The following ABHD18 variants were observed in gnomAD, a reference collection of about 807,000 sequenced individuals.
ABHD18 encodes abhydrolase domain containing 18, also known as cardiolipin-specific deacylase, mitochondrial.
ABHD18 carries 55 observed loss-of-function variants against 65.9 expected under a neutral mutation model. The observed-to-expected ratio is 0.84, with a 90% CI of 0.67 to 1.05. The LOEUF (loss-of-function observed/expected upper bound fraction) is 1.05. Among genes scored for constraint, ABHD18 ranks in the 50% least tolerant of loss-of-function variants. The probability of loss-of-function intolerance (pLI) is 0.00; values close to 1 mark genes in which losing one functional copy is unlikely to be tolerated. For synonymous variants in ABHD18, 181 were observed against 180.2 expected, an observed-to-expected ratio of 1.00 and a Z score of -0.04; for missense variants, 533 against 558.5, an observed-to-expected ratio of 0.95 and a Z score of 0.46.
intron 4 of ABHD18, among the ~76,000 whole-genome samples, chr4:128,000,873 G>C (rs1752532327): frequency 6.6e-6 from 1 of 151,938 alleles, no homozygotes; most frequent in African/African-American, 2.4e-5. Context: ...GTATTCCTAG[G>C]TTTCTGTGTG....
chr4:128,017,506 G>A lies in ABHD18; in HGVS notation c.609+5G>A, dbSNP rs756347691. The A allele has an allele frequency of 6.3e-7, 1 of 1,592,000 alleles. No individual in the cohort carries two copies. Among genetic ancestry groups the A allele is most frequent in the Admixed American group, 1.9e-5 (1 of 53,678 alleles). On this transcript the variant is annotated splice_donor_5th_base_variant and intron_variant, in intron 8 of 12. Transcript: ENST00000645843. ...GGAATATCCATGGGAGGACACGTAA[G>A]CCTTTTTATTTCTGCTTACATTTAA... is the stretch of plus-strand genomic sequence containing the variant.
intron 10 of ABHD18, among the ~76,000 whole-genome samples, chr4:128,023,803 G>A (rs1375739462): frequency 1.3e-5 from 2 of 152,150 alleles, no homozygotes; most frequent in African/African-American, 4.8e-5. Flanking sequence ...AGAATGGCGT[G>A]AACCCAGAAG....
chr4:128,001,000 T>A (rs1358758685), intron 4 of ABHD18, among the ~76,000 whole-genome samples: 1 of 152,180 alleles, frequency 6.6e-6, no homozygotes, highest in African/African-American at 2.4e-5. Flanking sequence ...ATCTTGAAAC[T>A]TTGCTGAAGT....
chr4:127,974,188 GTTTTTTTTTTTT>G (rs34967150), intron 1 of ABHD18, among the ~76,000 whole-genome samples: 12 of 101,488 alleles, frequency 1.2e-4, no homozygotes, highest in African/African-American at 4.0e-4. Context: ...CTTAAGTTCT[GTTTTTTTTTTTT>G]TTTTTTTTTT....
At position 128,028,639 on chromosome 4, in the gene ABHD18, C is replaced by T. The variant is rs772970028; in HGVS notation, c.966C>T (p.Val322=). ...ADCHNSSKTS[V]SATSEGLLLQ... is the part of the protein sequence containing the mutation. ...GCCATAATTCTAGCAAAACATCTGT[C>T]AGTGCGACATCAGAAGGACTCTTAT... is the stretch of plus-strand genomic sequence containing the variant. The change falls in exon 11 of 13, where the codon GTC becomes GTT. Residue 322 remains valine (V), a synonymous_variant. Transcript: ENST00000645843. 1 of 1,613,756 alleles carries T rather than the reference C, an allele frequency of 6.2e-7. No individual in the cohort carries two copies.
At chr4:128,015,619 C>A (rs1387352259) in intron 7 of ABHD18, among the ~76,000 whole-genome samples, 1 of 151,970 alleles carries the variant, frequency 6.6e-6, no homozygotes, top group Non-Finnish European at 1.5e-5. Context: ...TAAAAAGAAA[C>A]CCTCCCTTCT....
At chr4:128,012,927 A>G (rs1031460154) in intron 7 of ABHD18, among the ~76,000 whole-genome samples, 1 of 151,764 alleles carries the variant, frequency 6.6e-6, no homozygotes. Context: ...TTAGCCAGGC[A>G]TGGTGGTATG....
intron 3 of ABHD18, among the ~76,000 whole-genome samples, chr4:127,987,358 T>G (rs1292652278): frequency 6.6e-6 from 1 of 151,690 alleles, no homozygotes; most frequent in African/African-American, 2.4e-5. Flanking sequence ...TCTCAAAAAA[T>G]AGTAATAATA....
At chr4:127,986,543 G>T (rs1005754280) in intron 3 of ABHD18, among the ~76,000 whole-genome samples, 1 of 152,132 alleles carries the variant, frequency 6.6e-6, no homozygotes, top group African/African-American at 2.4e-5. Context: ...ATGAGATTTT[G>T]TGTGAACATG....
intron 1 of ABHD18, among the ~76,000 whole-genome samples, chr4:127,968,795 T>G: frequency 6.6e-6 from 1 of 152,176 alleles, no homozygotes; most frequent in East Asian, 1.9e-4. Context: ...GTGGGGACTT[T>G]TAAGTATCTG....
chr4:128,001,866 G>C (rs1291028656), intron 4 of ABHD18: 2 of 1,215,470 alleles, frequency 1.6e-6, no homozygotes, highest in East Asian at 3.1e-5. Flanking sequence ...TTAATTCCTT[G>C]TGCCTGCCAC....
intron 10 of ABHD18, among the ~76,000 whole-genome samples, chr4:128,024,071 C>G (rs1192586292): frequency 6.6e-6 from 1 of 152,132 alleles, no homozygotes; most frequent in Non-Finnish European, 1.5e-5. Flanking sequence ...ATATCTGAGA[C>G]TGGGAAATTT....
At position 128,039,640 on chromosome 4, in the gene ABHD18, T is replaced by C. The variant is rs1759184370; in HGVS notation, c.*3827T>C. The C allele has an allele frequency of 6.6e-6, 1 of 152,226 alleles. No individual in the cohort carries two copies. Among genetic ancestry groups the C allele is most frequent in the African/African-American group, 2.4e-5 (1 of 41,466 alleles). The allele number at this position is 152,226 out of a possible 1,614,324, so 9.4% of individuals were successfully genotyped here. A position where few individuals can be genotyped will look rare whatever the true frequency, so the allele number is the denominator to read the frequency against. On this transcript the variant is annotated 3_prime_UTR_variant, in exon 13 of 13. Transcript: ENST00000645843. ...AAAGATAATTGAATTGTTAACACTG[T>C]AATTGAAATTTTAAAAATCATTTCC...
chr4:127,973,104 C>A (rs931786155), intron 1 of ABHD18, among the ~76,000 whole-genome samples: 2 of 152,116 alleles, frequency 1.3e-5, no homozygotes, highest in African/African-American at 4.8e-5. Context: ...TCCTCTGCCT[C>A]CTAGGCTCAA....
chr4:127,967,490 A>G (rs1745848406), intron 1 of ABHD18, among the ~76,000 whole-genome samples: 1 of 152,150 alleles, frequency 6.6e-6, no homozygotes, highest in Admixed American at 6.6e-5. Context: ...ATCTAAGTGA[A>G]ATAATTGGCT....
At chr4:128,014,989 A>G (rs2149149747) in intron 7 of ABHD18, among the ~76,000 whole-genome samples, 1 of 152,154 alleles carries the variant, frequency 6.6e-6, no homozygotes, top group Middle Eastern at 3.4e-3. Flanking sequence ...AGGCAGGAGA[A>G]TCGCTTGAAC....
Position 128,029,363 on chromosome 4 carries a change from CACAAACACACAT to C in ABHD18, c.1180+514_1180+525del, listed in dbSNP as rs1210248300. Among the ~76,000 whole-genome samples, 445 of 151,920 alleles carry C rather than the reference CACAAACACACAT, an allele frequency of 2.9e-3. 4 individuals carry two copies. The highest frequency in any genetic ancestry group is 0.01 in the African/African-American group (429 of 41,418). ...TGACAGCAAGACTCTCACACACACA[CACAAACACACAT>C]ACACACACTCTCACACACTCTGGAG... On this transcript the variant is annotated intron_variant, in intron 11 of 12. Transcript: ENST00000645843.
intron 4 of ABHD18, among the ~76,000 whole-genome samples, chr4:128,003,961 A>AC (rs1270939155): frequency 3.3e-5 from 5 of 150,664 alleles, no homozygotes; most frequent in South Asian, 2.1e-4. Flanking sequence ...AAAAAAAAAA[A>AC]ACAAAAAAAA....
intron 3 of ABHD18, among the ~76,000 whole-genome samples, chr4:127,985,774 C>T (rs952518547): frequency 4.6e-5 from 7 of 151,954 alleles, no homozygotes; most frequent in South Asian, 2.1e-4. Flanking sequence ...GAGGCCAAGG[C>T]GGGCAGATCG....
Sources: gnomAD v4.1 joint callset for allele counts (sites outside exome capture counted in the v4.1 genomes callset) on GRCh38, gnomAD v4.1.1 for gene constraint, MANE v1.5 for transcripts, NCBI Gene and HGNC (gene_info 2026-07-23, HGNC 2026-07-21) for gene names.